The following NF1 variants were observed in gnomAD, a reference collection of about 807,000 sequenced individuals.
NF1 encodes neurofibromin 1, also known as neurofibromin.
A neutral mutation model predicts 325.7 loss-of-function variants in NF1; 122 were observed. That is an observed-to-expected ratio of 0.37 (90% CI 0.32 to 0.44). The LOEUF is 0.44. Among genes scored for constraint, NF1 ranks in the 20% least tolerant of loss-of-function variants. The pLI is 1.00. For synonymous variants in NF1, 1,091 were observed against 1,186.0 expected, an observed-to-expected ratio of 0.92 and a Z score of 1.65; for missense variants, 2,140 against 3,415.4, an observed-to-expected ratio of 0.63 and a Z score of 9.31.
chr17:31,240,065 A>G (rs1417626609), intron 29 of NF1, among the ~76,000 whole-genome samples: 2 of 152,164 alleles, frequency 1.3e-5, no homozygotes, highest in Non-Finnish European at 2.9e-5. Context: ...TGCCCGGCCT[A>G]TCGTTTCTTT....
chr17:31,317,368 A>AACACACAC (rs3138611), intron 36 of NF1, among the ~76,000 whole-genome samples: 5,702 of 144,564 alleles, frequency 0.039, 111 homozygotes, highest in Non-Finnish European at 0.044. Context: ...TCCAGATTTG[A>AACACACAC]ACACACACAC....
intron 11 of NF1, among the ~76,000 whole-genome samples, chr17:31,203,691 G>A (rs1013948): frequency 0.84 from 127,728 of 152,130 alleles, 54,270 homozygotes; most frequent in African/African-American, 0.95. Flanking sequence ...AAATTCATTC[G>A]TAGTGTAAAT....
intron 1 of NF1, among the ~76,000 whole-genome samples, chr17:31,139,199 C>A (rs941203606): frequency 8.0e-4 from 121 of 152,022 alleles, no homozygotes; most frequent in African/African-American, 2.7e-3. Flanking sequence ...AGGCATGTGC[C>A]ACCATGCGTG....
At chr17:31,204,069 G>GT (rs2066577968) in intron 11 of NF1, among the ~76,000 whole-genome samples, 1 of 151,962 alleles carries the variant, frequency 6.6e-6, no homozygotes, top group African/African-American at 2.4e-5. Flanking sequence ...ATTAATAGTT[G>GT]TAAGATCTAT....
chr17:31,210,052 A>G (rs181334059), intron 12 of NF1, among the ~76,000 whole-genome samples: 16 of 152,338 alleles, frequency 1.1e-4, no homozygotes, highest in Admixed American at 5.9e-4. Context: ...ATGCATGGTT[A>G]ATGAACAGTC....
chr17:31,202,802 A>C (rs574527475), intron 11 of NF1, among the ~76,000 whole-genome samples: 1 of 152,078 alleles, frequency 6.6e-6, no homozygotes. Context: ...TTAAAAACTT[A>C]AAAAAAATCA....
intron 36 of NF1, chr17:31,320,578 A>G: frequency 1.6e-6 from 1 of 642,548 alleles, no homozygotes; most frequent in East Asian, 2.7e-5. Context: ...CAAAAGTAGC[A>G]TGTAATAAAC....
chr17:31,265,431 T>G, intron 36 of NF1, 92 bp downstream of exon 36: 1 of 881,978 alleles, frequency 1.1e-6, no homozygotes, highest in Non-Finnish European at 1.9e-6. Context: ...CCCAGTTGAC[T>G]TAACAGGAAT....
rs786202478 is a variant in NF1, at chr17:31,226,677, G to A, written c.2244G>A (p.Met748Ile). ...AGTTTGCCTCTGTCAGCAATATGAT[G>A]TCAACAGGTAAATGTGAATAGTGGT... The part of the protein sequence containing the change: ...FMEFASVSNM[M>I]STGRAALQKR... The change falls in exon 18 of 58, where the codon ATG becomes ATA. Residue 748 changes from methionine (M) to isoleucine (I), a missense_variant. By Grantham distance (10) the Met-to-Ile change is conservative. Transcript: ENST00000358273. 8 of 1,613,760 alleles carry A rather than the reference G, an allele frequency of 5.0e-6. No homozygotes were observed. In the Admixed American group the frequency reaches 6.7e-5, roughly 13 times the overall value.
At chr17:31,121,503 C>T (rs566038102) in intron 1 of NF1, among the ~76,000 whole-genome samples, 38 of 150,398 alleles carry the variant, frequency 2.5e-4, no homozygotes, top group African/African-American at 6.3e-4. Context: ...CGTGTTCACG[C>T]CATTCTCCTG....
rs531000477 is a variant in NF1, at chr17:31,303,312, C to T, written c.4836-22508C>T. ...AGTATAGGCTGATGACCACTCTTGA[C>T]TTTGACAAAGATTGGGCCCATTCCT... On this transcript the variant is annotated intron_variant, in intron 36 of 57. Transcript: ENST00000358273. Among the ~76,000 whole-genome samples, 69 of 152,258 alleles carry T rather than the reference C, an allele frequency of 4.5e-4. 1 individual carries two copies. In the South Asian group the frequency reaches 5.0e-3, roughly 11 times the overall value.
At position 31,201,114 on chromosome 17, in the gene NF1, T is replaced by A. The variant is rs769912812; in HGVS notation, c.1140T>A (p.Leu380=). 1 of 1,614,144 alleles carries A rather than the reference T, an allele frequency of 6.2e-7. No individual in the cohort carries two copies. The highest frequency in any genetic ancestry group is 8.5e-7 in the Non-Finnish European group (1 of 1,180,008). ...ATGTGGATCTAATGATTGACTGCCT[T>A]GTTTCTTGCTTTCGTATAAGCCCTC... The part of the protein sequence containing the change: ...PADVDLMIDC[L]VSCFRISPHN... The change falls in exon 10 of 58, where the codon CTT becomes CTA. Residue 380 remains leucine, a synonymous_variant. Transcript: ENST00000358273.
chr17:31,340,847 C>CAAAAAAAAA, intron 47 of NF1, among the ~76,000 whole-genome samples: 1 of 62,592 alleles, frequency 1.6e-5, no homozygotes, highest in Non-Finnish European at 3.6e-5. Flanking sequence ...ATAAAAATAG[C>CAAAAAAAAA]AAAAAAAAAA....
chr17:31,162,479 C>T lies in NF1; in HGVS notation c.289-707C>T, dbSNP rs151301096. ...AACTAAGGAAACATCATGTTGTAAT[C>T]GGTGAACTTTTTTGGATCCTTATTG... On this transcript the variant is annotated intron_variant, in intron 3 of 57. Transcript: ENST00000358273. Among the ~76,000 whole-genome samples the T allele has an allele frequency of 9.9e-4, 150 of 152,232 alleles. 2 individuals are homozygous for T. The East Asian group carries it at 0.02, about 21-fold the overall frequency.
rs56223998 is a variant in NF1, at chr17:31,108,130, T to TA, written c.60+12774dup. Among the ~76,000 whole-genome samples the TA allele has an allele frequency of 4.2e-3, 597 of 141,636 alleles. 1 individual carries two copies. The highest frequency in any genetic ancestry group is 8.1e-3 in the Admixed American group (115 of 14,206). The allele number at this position is 141,636 out of a possible 152,430, so 92.9% of individuals were successfully genotyped here. The stretch of plus-strand genomic sequence containing the variant: ...CATGGGTGACAGAGTGAAACTCTGT[T>TA]AAAAAAAAAAAAATGCTGAGCTTCA... On this transcript the variant is annotated intron_variant, in intron 1 of 57. Coordinates refer to ENST00000358273, the MANE Select transcript of NF1 (RefSeq NM_001042492.3).
intron 5 of NF1, among the ~76,000 whole-genome samples, chr17:31,173,487 T>C (rs2065967128): frequency 6.6e-6 from 1 of 151,728 alleles, no homozygotes; most frequent in Non-Finnish European, 1.5e-5. Flanking sequence ...TCCCAGCTAC[T>C]CGGGTGGCCG....
chr17:31,368,644 G>C (rs2070577111), intron 57 of NF1, among the ~76,000 whole-genome samples: 1 of 152,104 alleles, frequency 6.6e-6, no homozygotes, highest in Non-Finnish European at 1.5e-5. Context: ...CCTAGTATTT[G>C]TTCTAAAACT....
chr17:31,268,552 G>A (rs1422630210), intron 36 of NF1, among the ~76,000 whole-genome samples: 19 of 150,766 alleles, frequency 1.3e-4, no homozygotes, highest in Non-Finnish European at 2.5e-4. Flanking sequence ...GCTTGAACCC[G>A]GGAGGTGGAG....
chr17:31,168,698 A>G (rs2065884587), intron 4 of NF1, among the ~76,000 whole-genome samples: 1 of 152,124 alleles, frequency 6.6e-6, no homozygotes, highest in Admixed American at 6.5e-5. Flanking sequence ...GAATCACATC[A>G]GGAAACATGT....
Sources: allele counts gnomAD v4.1 joint callset (sites outside exome capture counted in the v4.1 genomes callset), GRCh38; gene constraint gnomAD v4.1.1; transcripts MANE v1.5; gene names NCBI Gene and HGNC (gene_info 2026-07-23, HGNC 2026-07-21).